The following ZCWPW2 variants were observed in gnomAD, a reference collection of about 807,000 sequenced individuals.
The protein encoded by ZCWPW2 is zinc finger CW-type PWWP domain protein 2.
In ZCWPW2, 45 loss-of-function variants were observed where a neutral mutation model predicts 46.6. The ratio of observed to expected loss-of-function variants is 0.96; its 90% CI spans 0.76 to 1.24. ZCWPW2 has a LOEUF of 1.24. ZCWPW2 is among the 50% of genes most tolerant of loss of function. The pLI is 0.00. For missense variants in ZCWPW2, 429 were observed against 403.9 expected (o/e 1.06, Z -0.53); for synonymous variants, 152 against 137.1 (o/e 1.11, Z -0.76).
rs369050941 is a variant in ZCWPW2, at chr3:28,510,125, G to C, written c.658-3939G>C. 4.6e-5 allele frequency among the ~76,000 whole-genome samples: 7 copies of C among 152,142 alleles called. 1 individual carries two copies. The East Asian group carries it at 1.2e-3, about 25-fold the overall frequency. ...AAAAATCAGTTGACCATATACATGA[G>C]AGTTTTTTTCTGGACTCCCAATTCT... On this transcript the variant is annotated intron_variant, in intron 6 of 9. Coordinates refer to ENST00000383768, the MANE Select transcript of ZCWPW2 (RefSeq NM_001040432.4).
chr3:28,495,404 G>T (rs1699955863), intron 6 of ZCWPW2, among the ~76,000 whole-genome samples: 1 of 152,080 alleles, frequency 6.6e-6, no homozygotes. Context: ...TTTGCTAAAT[G>T]ATATTTAGAA....
At chr3:28,378,528 A>C (rs1705571037) in intron 1 of ZCWPW2, among the ~76,000 whole-genome samples, 1 of 152,092 alleles carries the variant, frequency 6.6e-6, no homozygotes, top group Non-Finnish European at 1.5e-5. Flanking sequence ...ATTAACTATT[A>C]TTACCATCAA....
At chr3:28,413,789 G>A (rs1430195347) in intron 3 of ZCWPW2, among the ~76,000 whole-genome samples, 1 of 151,926 alleles carries the variant, frequency 6.6e-6, no homozygotes, top group Non-Finnish European at 1.5e-5. Flanking sequence ...GAATTTTAAT[G>A]TGTCTTATTG....
chr3:28,492,735 AG>A (rs1699853769), intron 6 of ZCWPW2, among the ~76,000 whole-genome samples: 1 of 152,162 alleles, frequency 6.6e-6, no homozygotes, highest in African/African-American at 2.4e-5. Context: ...TGGTTGGGAT[AG>A]GATGAACCTT....
Position 28,348,807 on chromosome 3 carries a change from G to C in ZCWPW2, c.-530G>C, listed in dbSNP as rs960831164. Reference sequence around the variant, plus strand: ...ATTTCTTCTGACTCGGCAGGAGCCCGGGACGTTCTGGAAGGAGGGACGAGC... The same window carrying C: ...ATTTCTTCTGACTCGGCAGGAGCCCCGGACGTTCTGGAAGGAGGGACGAGC... On this transcript the variant is annotated 5_prime_UTR_variant, in exon 1 of 10. Coordinates refer to ENST00000383768, the MANE Select transcript of ZCWPW2 (RefSeq NM_001040432.4). The C allele has an allele frequency of 1.1e-5, 3 of 281,166 alleles. No individual in the cohort carries two copies. The highest frequency in any genetic ancestry group is 1.6e-5 in the Non-Finnish European group (3 of 185,826). The allele number at this position is 281,166 out of a possible 1,614,324, so 17.4% of individuals were successfully genotyped here. A position where few individuals can be genotyped will look rare whatever the true frequency, so the allele number is the denominator to read the frequency against.
At position 28,413,261 on chromosome 3, in the gene ZCWPW2, G is replaced by A; in HGVS notation, c.193G>A (p.Asp65Asn). Residue 65 changes from aspartate to asparagine, a missense_variant, in exon 3 of 10, where the codon GAT becomes AAT. Coordinates refer to ENST00000383768, the MANE Select transcript of ZCWPW2 (RefSeq NM_001040432.4). ...ACCATGGTACTGCTTCATGAACACT[G>A]ATTCAAGATATAATAACTGCTCAAT... ...DEPWYCFMNT[D>N]SRYNNCSISE... 3.1e-6 allele frequency: 5 copies of A among 1,613,342 alleles called. No individual in the cohort carries two copies. The highest frequency in any genetic ancestry group is 4.2e-6 in the Non-Finnish European group (5 of 1,179,546).
At chr3:28,369,751 A>G (rs546367393) in intron 1 of ZCWPW2, among the ~76,000 whole-genome samples, 2 of 152,312 alleles carry the variant, frequency 1.3e-5, no homozygotes, top group Non-Finnish European at 2.9e-5. Context: ...CCCTGCCCGC[A>G]GAGGTGGAGT....
chr3:28,363,289 A>G (rs571202333), intron 1 of ZCWPW2, among the ~76,000 whole-genome samples: 8 of 152,166 alleles, frequency 5.3e-5, no homozygotes, highest in Non-Finnish European at 7.4e-5. Context: ...TAATAACGCA[A>G]TGACAACCAA....
At chr3:28,514,235 A>G in intron 7 of ZCWPW2, 113 bp downstream of exon 7, 1 of 669,092 alleles carries the variant, frequency 1.5e-6, no homozygotes, top group Non-Finnish European at 2.1e-6. Context: ...CTAGTCAACC[A>G]CTGCATAGTC....
At chr3:28,440,475 G>A (rs1435525577) in intron 4 of ZCWPW2, among the ~76,000 whole-genome samples, 1 of 152,158 alleles carries the variant, frequency 6.6e-6, no homozygotes, top group Admixed American at 6.5e-5. Flanking sequence ...GTGAATCCTG[G>A]CTGTGGGAGA....
chr3:28,443,427 G>T (rs1054090643), intron 4 of ZCWPW2, among the ~76,000 whole-genome samples: 4 of 152,140 alleles, frequency 2.6e-5, no homozygotes, highest in Non-Finnish European at 5.9e-5. Flanking sequence ...TTGATTGAGG[G>T]GGTGTGGTTC....
At chr3:28,448,528 T>C (rs776157212) in intron 4 of ZCWPW2, among the ~76,000 whole-genome samples, 3 of 152,028 alleles carry the variant, frequency 2.0e-5, no homozygotes, top group Non-Finnish European at 4.4e-5. Flanking sequence ...CTCATGCCTG[T>C]AATCCCAGCA....
intron 2 of ZCWPW2, among the ~76,000 whole-genome samples, chr3:28,394,057 T>G (rs1382172561): frequency 6.6e-6 from 1 of 152,094 alleles, no homozygotes; most frequent in East Asian, 1.9e-4. Context: ...ATAAAACTGT[T>G]AGAACTAATA....
At position 28,480,409 on chromosome 3, in the gene ZCWPW2, GT is replaced by G. The variant is rs113156854; in HGVS notation, c.610+1488del. Reference sequence around the variant, plus strand: ...TGTGTCCTTTGCCCACTTTTTAATGGTTTTTTTTTTCTTGTGAACTTGTTTA... The same window carrying G: ...TGTGTCCTTTGCCCACTTTTTAATGGTTTTTTTTTCTTGTGAACTTGTTTA... On this transcript the variant is annotated intron_variant, in intron 5 of 9. Coordinates refer to ENST00000383768, the MANE Select transcript of ZCWPW2 (RefSeq NM_001040432.4). Among the ~76,000 whole-genome samples the G allele has an allele frequency of 3.7e-3, 554 of 148,672 alleles. 6 individuals carry two copies. The highest frequency in any genetic ancestry group is 0.019 in the Admixed American group (285 of 14,934).
At position 28,349,004 on chromosome 3, in the gene ZCWPW2, G is replaced by A; in HGVS notation, c.-333G>A. ...GCCGGAAAAGGGGCTGCCGCTGTCC[G>A]CGGGCTCGGCGCCAGGGACGCGCGA... On this transcript the variant is annotated 5_prime_UTR_variant, in exon 1 of 10. Transcript: ENST00000383768. 1 of 985,908 alleles carries A rather than the reference G, an allele frequency of 1.0e-6. No individual in the cohort carries two copies. Among genetic ancestry groups the A allele is most frequent in the Non-Finnish European group, 1.2e-6 (1 of 830,338 alleles). The allele number at this position is 985,908 out of a possible 1,614,324, so 61.1% of individuals were successfully genotyped here.
chr3:28,357,782 T>C, intron 1 of ZCWPW2, among the ~76,000 whole-genome samples: 1 of 146,876 alleles, frequency 6.8e-6, no homozygotes, highest in East Asian at 2.0e-4. Context: ...ACATATAATA[T>C]ATAGTTGGTA....
chr3:28,512,198 G>A (rs1186271540), intron 6 of ZCWPW2, among the ~76,000 whole-genome samples: 1 of 149,944 alleles, frequency 6.7e-6, no homozygotes, highest in Non-Finnish European at 1.5e-5. Context: ...TCTTTCTTGA[G>A]ACAGAATCTT....
At chr3:28,493,143 T>C (rs1699879640) in intron 6 of ZCWPW2, among the ~76,000 whole-genome samples, 1 of 70,928 alleles carries the variant, frequency 1.4e-5, no homozygotes, top group South Asian at 5.0e-4. Flanking sequence ...ATTTTATTTT[T>C]TTTAATGTTT....
At chr3:28,354,442 C>T (rs1363146650) in intron 1 of ZCWPW2, among the ~76,000 whole-genome samples, 5 of 141,320 alleles carry the variant, frequency 3.5e-5, no homozygotes, top group Non-Finnish European at 7.9e-5. Context: ...GAGCTGGTAC[C>T]ATTCCTTCTG....
Sources: gnomAD v4.1 joint callset for allele counts (sites outside exome capture counted in the v4.1 genomes callset) on GRCh38, gnomAD v4.1.1 for gene constraint, MANE v1.5 for transcripts, NCBI Gene and HGNC (gene_info 2026-07-23, HGNC 2026-07-21) for gene names.